Variants in EIF2B3 observed in about 807,000 individuals in gnomAD.
EIF2B3 encodes the protein eukaryotic translation initiation factor 2B subunit gamma.
In EIF2B3, 20 loss-of-function variants were observed where a neutral mutation model predicts 54.1. That is an observed-to-expected ratio of 0.37 (90% CI 0.26 to 0.54). The LOEUF (loss-of-function observed/expected upper bound fraction) is 0.54, where lower values mean the gene tolerates loss of function less well. Ranked by LOEUF, EIF2B3 falls within the 20% of genes least tolerant of loss-of-function variation. The pLI is 0.86. For synonymous variants in EIF2B3, 153 were observed against 188.1 expected, an observed-to-expected ratio of 0.81 and a Z score of 1.52; for missense variants, 448 against 547.8, an observed-to-expected ratio of 0.82 and a Z score of 1.82.
chr1:44,855,313 G>A (rs953755303), intron 11 of EIF2B3, among the ~76,000 whole-genome samples: 2 of 152,074 alleles, frequency 1.3e-5, no homozygotes, highest in Admixed American at 1.3e-4. Flanking sequence ...CTAAAAGGTG[G>A]ACACATAGTG....
At chr1:44,878,756 T>TC (rs1365414564) in intron 8 of EIF2B3, among the ~76,000 whole-genome samples, 1 of 150,410 alleles carries the variant, frequency 6.6e-6, no homozygotes, top group East Asian at 2.0e-4. Context: ...TTTCCTATCC[T>TC]CTTTTTTTTT....
intron 5 of EIF2B3, among the ~76,000 whole-genome samples, chr1:44,919,211 G>A (rs1376599510): frequency 1.3e-5 from 2 of 152,050 alleles, no homozygotes; most frequent in African/African-American, 2.4e-5. Context: ...TTAGCTGGGC[G>A]TGGTGGCACA....
rs569624365 is a variant in EIF2B3, at chr1:44,957,301, A to G, written c.295-15636T>C. ...CCCAAACACCACAAAGTCAAAAGAC[A>G]TCAAACTGCTACAGTTACAGAACTT... is the stretch of plus-strand genomic sequence containing the variant. On this transcript the variant is annotated intron_variant, in intron 3 of 11. Coordinates refer to ENST00000360403, the MANE Select transcript of EIF2B3 (RefSeq NM_020365.5). Among the ~76,000 whole-genome samples the G allele has an allele frequency of 2.6e-5, 4 of 152,356 alleles. No homozygotes were observed. The South Asian group carries it at 8.3e-4, about 32-fold the overall frequency.
chr1:44,874,386 TGTC>T (rs1420265004), intron 10 of EIF2B3: 1 of 375,340 alleles, frequency 2.7e-6, no homozygotes, highest in Non-Finnish European at 4.8e-6. Flanking sequence ...CATTTAGAGC[TGTC>T]ATTCTTATCT....
At chr1:44,885,901 A>ATTTTTTTTTTTT in intron 6 of EIF2B3, among the ~76,000 whole-genome samples, 1 of 133,192 alleles carries the variant, frequency 7.5e-6, no homozygotes, top group Admixed American at 7.7e-5. Flanking sequence ...CGCTTGGCTA[A>ATTTTTTTTTTTT]TTTTTTTTTT....
chr1:44,900,445 C>CAAA (rs34226720), intron 5 of EIF2B3, among the ~76,000 whole-genome samples: 55 of 43,390 alleles, frequency 1.3e-3, no homozygotes, highest in African/African-American at 2.1e-3. Context: ...AGAATCATCT[C>CAAA]AAAAAAAAAA....
chr1:44,866,160 G>T (rs920051086), intron 10 of EIF2B3, among the ~76,000 whole-genome samples: 1 of 152,102 alleles, frequency 6.6e-6, no homozygotes, highest in Non-Finnish European at 1.5e-5. Context: ...CACTTTGGGA[G>T]GCTGGAGGTG....
At chr1:44,874,968 GC>G in intron 9 of EIF2B3, 142 bp from the exon 10 acceptor site, 1 of 1,056,782 alleles carries the variant, frequency 9.5e-7, no homozygotes, top group Non-Finnish European at 1.4e-6. Context: ...ATTTCTCAGG[GC>G]CACAAGGTCA....
At chr1:44,978,627 T>TTC in intron 2 of EIF2B3, among the ~76,000 whole-genome samples, 167 bp from the exon 3 acceptor site, 1 of 45,162 alleles carries the variant, frequency 2.2e-5, no homozygotes, top group African/African-American at 7.0e-5. Context: ...AATTCTTTTT[T>TTC]TTTTTTTTTT....
intron 10 of EIF2B3, among the ~76,000 whole-genome samples, chr1:44,870,864 G>A (rs1257366825): frequency 6.6e-6 from 1 of 151,972 alleles, no homozygotes; most frequent in Non-Finnish European, 1.5e-5. Context: ...TGTTGCCCAG[G>A]CTGGTCTCGA....
chr1:44,946,131 C>T (rs1644099713), intron 3 of EIF2B3, among the ~76,000 whole-genome samples: 1 of 152,108 alleles, frequency 6.6e-6, no homozygotes, highest in Admixed American at 6.6e-5. Context: ...TGCAAAATCC[C>T]CAAGGATCAC....
At chr1:44,925,794 C>A (rs138615412) in intron 5 of EIF2B3, among the ~76,000 whole-genome samples, 11,345 of 152,014 alleles carry the variant, frequency 0.075, 689 homozygotes, top group Admixed American at 0.19. Context: ...TGTGGTGGCA[C>A]ATGCCTGTAG....
At chr1:44,966,660 T>C (rs1644344375) in intron 3 of EIF2B3, among the ~76,000 whole-genome samples, 1 of 152,008 alleles carries the variant, frequency 6.6e-6, no homozygotes, top group African/African-American at 2.4e-5. Context: ...CTTCTGAAAA[T>C]GTAGAAAGAC....
intron 3 of EIF2B3, among the ~76,000 whole-genome samples, chr1:44,957,281 A>T (rs1644236290): frequency 6.6e-6 from 1 of 152,236 alleles, no homozygotes; most frequent in Non-Finnish European, 1.5e-5. Context: ...ATGCCCCCAA[A>T]CACCACAAAG....
intron 5 of EIF2B3, among the ~76,000 whole-genome samples, chr1:44,923,940 C>CTTT (rs570038780): frequency 1.1e-4 from 14 of 131,730 alleles, no homozygotes; most frequent in African/African-American, 3.8e-4. Context: ...AATTTCTTTC[C>CTTT]TTTTTTTTTT....
At chr1:44,890,321 A>C (rs1655752684) in intron 6 of EIF2B3, among the ~76,000 whole-genome samples, 1 of 152,242 alleles carries the variant, frequency 6.6e-6, no homozygotes, top group Non-Finnish European at 1.5e-5. Flanking sequence ...CTGGCAAATG[A>C]AAAATCTTAC....
chr1:44,896,823 AAAAC>A (rs1167130696), intron 6 of EIF2B3, among the ~76,000 whole-genome samples: 2 of 152,220 alleles, frequency 1.3e-5, no homozygotes, highest in African/African-American at 4.8e-5. Context: ...ATTCTGTTCT[AAAAC>A]AAACAAACAA....
intron 11 of EIF2B3, 133 bp downstream of exon 11, chr1:44,857,571 G>C (rs1262288996): frequency 3.6e-6 from 3 of 832,418 alleles, no homozygotes; most frequent in Non-Finnish European, 6.1e-6. Flanking sequence ...GCTCTCCAAA[G>C]ATGGCTTTAT....
intron 3 of EIF2B3, among the ~76,000 whole-genome samples, chr1:44,972,727 G>A (rs1644415158): frequency 6.6e-6 from 1 of 151,736 alleles, no homozygotes; most frequent in Non-Finnish European, 1.5e-5. Context: ...GAGTGCAGTG[G>A]TACGATCTCA....
Sources: gnomAD v4.1 joint callset for allele counts (sites outside exome capture counted in the v4.1 genomes callset) on GRCh38, gnomAD v4.1.1 for gene constraint, MANE v1.5 for transcripts, NCBI Gene and HGNC (gene_info 2026-07-23, HGNC 2026-07-21) for gene names.